CACNA2D3: variants seen among roughly 807,000 people sequenced by gnomAD.
The protein encoded by CACNA2D3 is voltage-dependent calcium channel subunit alpha-2/delta-3.
A neutral mutation model predicts 160.6 loss-of-function variants in CACNA2D3; 60 were observed. That is an observed-to-expected ratio of 0.37 (90% CI 0.30 to 0.46). The LOEUF is 0.46. Among genes scored for constraint, CACNA2D3 ranks in the 20% least tolerant of loss-of-function variants. CACNA2D3 has a pLI of 1.00. For synonymous variants in CACNA2D3, 558 were observed against 492.9 expected (o/e 1.13, Z -1.75); for missense variants, 1,205 against 1,365.0 (o/e 0.88, Z 1.85).
chr3:54,698,905 G>A (rs1265241430), intron 11 of CACNA2D3, among the ~76,000 whole-genome samples: 2 of 152,160 alleles, frequency 1.3e-5, no homozygotes, highest in Admixed American at 1.3e-4. Flanking sequence ...GGGAGAGCGA[G>A]CAAAAGCTTG....
intron 4 of CACNA2D3, among the ~76,000 whole-genome samples, chr3:54,500,932 A>G (rs916429064): frequency 6.6e-6 from 1 of 152,198 alleles, no homozygotes; most frequent in Admixed American, 6.5e-5. Flanking sequence ...ACAGTTCTGG[A>G]GGCTGGAAAG....
intron 3 of CACNA2D3, among the ~76,000 whole-genome samples, chr3:54,376,591 A>T (rs1338692816): frequency 6.6e-6 from 1 of 152,142 alleles, no homozygotes; most frequent in Non-Finnish European, 1.5e-5. Flanking sequence ...AGCCCACGCC[A>T]CATTATCTAG....
chr3:54,969,990 A>C, intron 29 of CACNA2D3, 146 bp downstream of exon 29: 1 of 595,874 alleles, frequency 1.7e-6, no homozygotes, highest in Non-Finnish European at 2.8e-6. Flanking sequence ...CATTTGCTTT[A>C]TTTGCTTTGT....
At chr3:54,550,046 T>C (rs746555972) in intron 5 of CACNA2D3, among the ~76,000 whole-genome samples, 28 of 152,250 alleles carry the variant, frequency 1.8e-4, no homozygotes, top group Non-Finnish European at 2.4e-4. Flanking sequence ...AAATGACTTG[T>C]CATCTATCAG....
At chr3:54,523,142 ATATT>A (rs1701673007) in intron 5 of CACNA2D3, among the ~76,000 whole-genome samples, 1 of 152,150 alleles carries the variant, frequency 6.6e-6, no homozygotes. Context: ...AAAGCATTTA[ATATT>A]TCACCATTAA....
chr3:54,135,007 G>A (rs1430705591), intron 2 of CACNA2D3, among the ~76,000 whole-genome samples: 1 of 152,234 alleles, frequency 6.6e-6, no homozygotes, highest in Admixed American at 6.5e-5. Flanking sequence ...CAATTAGGAA[G>A]CTGCTGCAGC....
chr3:54,187,519 G>C (rs745659794), intron 2 of CACNA2D3, among the ~76,000 whole-genome samples: 18 of 152,116 alleles, frequency 1.2e-4, no homozygotes, highest in Non-Finnish European at 1.9e-4. Flanking sequence ...ATGAAGCACT[G>C]TGGGGTGTGG....
chr3:54,988,503 A>G (rs1702666049), intron 31 of CACNA2D3, among the ~76,000 whole-genome samples: 1 of 152,178 alleles, frequency 6.6e-6, no homozygotes, highest in Non-Finnish European at 1.5e-5. Context: ...TTGGCCTCCC[A>G]GGAAGAATGT....
chr3:54,966,272 C>T (rs1702148084), intron 27 of CACNA2D3, among the ~76,000 whole-genome samples: 1 of 152,010 alleles, frequency 6.6e-6, no homozygotes, highest in Non-Finnish European at 1.5e-5. Context: ...GGAGTCAGAC[C>T]CTGTTTTGCA....
chr3:54,503,735 A>G lies in CACNA2D3; in HGVS notation c.544+81A>G, dbSNP rs953694424. The G allele has an allele frequency of 2.3e-5, 31 of 1,326,066 alleles. No individual in the cohort carries two copies. In the African/African-American group the frequency reaches 3.5e-4, roughly 15 times the overall value. 82.1% of individuals were successfully genotyped at this position (1,326,066 alleles called of 1,614,324 possible). On this transcript the variant is annotated intron_variant, in intron 5 of 37. Coordinates refer to ENST00000474759, the MANE Select transcript of CACNA2D3 (RefSeq NM_018398.3). Reference sequence around the variant, plus strand: ...GCAGGGGCTGGCTGGTTTGGGATATAGTTTTGGTTTGTTTCATTTTTTTTG... The same window carrying G: ...GCAGGGGCTGGCTGGTTTGGGATATGGTTTTGGTTTGTTTCATTTTTTTTG...
intron 3 of CACNA2D3, among the ~76,000 whole-genome samples, chr3:54,338,127 G>A (rs538477287): frequency 6.6e-6 from 1 of 152,352 alleles, no homozygotes; most frequent in South Asian, 2.1e-4. Context: ...GCTATAAATT[G>A]TCATCCAGTG....
intron 2 of CACNA2D3, among the ~76,000 whole-genome samples, chr3:54,230,509 G>A (rs557423063): frequency 6.6e-6 from 1 of 152,186 alleles, no homozygotes; most frequent in Non-Finnish European, 1.5e-5. Flanking sequence ...TGTGATCTAT[G>A]AATAAAAGGC....
intron 27 of CACNA2D3, among the ~76,000 whole-genome samples, chr3:54,957,868 C>T (rs888964357): frequency 6.6e-5 from 10 of 152,306 alleles, no homozygotes; most frequent in Admixed American, 3.9e-4. Flanking sequence ...TTCCAAAGCA[C>T]AAATCTATTT....
At chr3:54,906,345 G>A (rs1700447757) in intron 27 of CACNA2D3, among the ~76,000 whole-genome samples, 1 of 152,150 alleles carries the variant, frequency 6.6e-6, no homozygotes, top group African/African-American at 2.4e-5. Context: ...GCAAAGGGGA[G>A]AGGAAGTGCG....
chr3:54,974,903 C>G lies in CACNA2D3; in HGVS notation c.2556+5059C>G, dbSNP rs564739776. On this transcript the variant is annotated intron_variant, in intron 29 of 37. Transcript: ENST00000474759. ...CTTAATTTGGGAGGAAAGGGTAGCA[C>G]AAGCGAGGGAAAGCTGAGAAAATAG... 3.9e-5 allele frequency among the ~76,000 whole-genome samples: 6 copies of G among 152,274 alleles called. No homozygotes were observed. The East Asian group carries it at 1.2e-3, about 29-fold the overall frequency.
intron 2 of CACNA2D3, among the ~76,000 whole-genome samples, chr3:54,221,400 C>T (rs994593848): frequency 1.3e-5 from 2 of 152,160 alleles, no homozygotes; most frequent in African/African-American, 4.8e-5. Context: ...ATTAACTCAG[C>T]CTCTTTCACA....
chr3:54,436,075 C>A (rs1700055503), intron 4 of CACNA2D3, among the ~76,000 whole-genome samples: 1 of 152,054 alleles, frequency 6.6e-6, no homozygotes, highest in Non-Finnish European at 1.5e-5. Context: ...CCTAAAGGAT[C>A]TTTGGAATAA....
At chr3:54,802,857 C>G (rs1378469562) in intron 13 of CACNA2D3, among the ~76,000 whole-genome samples, 1 of 152,146 alleles carries the variant, frequency 6.6e-6, no homozygotes, top group African/African-American at 2.4e-5. Flanking sequence ...TCCTCTGAGA[C>G]AAAACTTCCA....
At chr3:54,441,538 G>A (rs987398197) in intron 4 of CACNA2D3, among the ~76,000 whole-genome samples, 5 of 152,148 alleles carry the variant, frequency 3.3e-5, no homozygotes, top group African/African-American at 7.2e-5. Flanking sequence ...TGCTTTTGGT[G>A]TTTTAGACAT....
Sources: allele counts gnomAD v4.1 joint callset (sites outside exome capture counted in the v4.1 genomes callset), GRCh38; gene constraint gnomAD v4.1.1; transcripts MANE v1.5; gene names NCBI Gene and HGNC (gene_info 2026-07-23, HGNC 2026-07-21).